Variants in ROR1 observed in about 807,000 individuals in gnomAD.
ROR1 encodes the protein inactive tyrosine-protein kinase transmembrane receptor ROR1.
Under a neutral mutation model 78.8 loss-of-function variants are expected in ROR1, and 19 were observed. That is an observed-to-expected ratio of 0.24 (90% CI 0.17 to 0.35). The LOEUF (loss-of-function observed/expected upper bound fraction) is 0.35. Among genes scored for constraint, ROR1 ranks in the 10% least tolerant of loss-of-function variants. ROR1 has a pLI of 1.00. For synonymous variants in ROR1, 386 were observed against 433.6 expected, an observed-to-expected ratio of 0.89 and a Z score of 1.36; for missense variants, 917 against 1,177.8, an observed-to-expected ratio of 0.78 and a Z score of 3.24.
chr1:64,118,551 G>C (rs970472496), intron 4 of ROR1, among the ~76,000 whole-genome samples: 2 of 149,648 alleles, frequency 1.3e-5, no homozygotes, highest in African/African-American at 4.9e-5. Context: ...TGCTTGAACC[G>C]GGACTCGGGA....
intron 1 of ROR1, among the ~76,000 whole-genome samples, chr1:63,788,471 T>C (rs922906565): frequency 2.6e-4 from 39 of 152,240 alleles, no homozygotes; most frequent in African/African-American, 7.5e-4. Context: ...TGACTGTCTG[T>C]TAAATTCAAT....
At chr1:64,130,616 A>G (rs1344635221) in intron 4 of ROR1, among the ~76,000 whole-genome samples, 1 of 152,156 alleles carries the variant, frequency 6.6e-6, no homozygotes, top group East Asian at 1.9e-4. Flanking sequence ...CCTCCTGGTT[A>G]GCAGTTAACT....
chr1:63,795,755 G>A (rs1644756249), intron 1 of ROR1, among the ~76,000 whole-genome samples: 1 of 152,120 alleles, frequency 6.6e-6, no homozygotes, highest in Non-Finnish European at 1.5e-5. Context: ...AAAATATCTT[G>A]CCGCTACTGG....
chr1:63,951,885 A>G (rs1002445022), intron 1 of ROR1, among the ~76,000 whole-genome samples: 6 of 152,172 alleles, frequency 3.9e-5, no homozygotes, highest in African/African-American at 1.4e-4. Context: ...AAATTGGTGT[A>G]GACGAGCTGT....
intron 4 of ROR1, among the ~76,000 whole-genome samples, chr1:64,104,209 A>G (rs1025582643): frequency 5.3e-5 from 8 of 152,140 alleles, no homozygotes; most frequent in Admixed American, 4.6e-4. Flanking sequence ...GGGTGAAGCA[A>G]CTTGTTCAAG....
intron 1 of ROR1, among the ~76,000 whole-genome samples, chr1:63,807,518 A>G (rs1644837159): frequency 6.6e-6 from 1 of 152,220 alleles, no homozygotes; most frequent in South Asian, 2.1e-4. Context: ...TCCTGCTGAC[A>G]TGAGCCAAGT....
intron 1 of ROR1, among the ~76,000 whole-genome samples, chr1:63,841,796 G>A (rs901618784): frequency 2.6e-5 from 4 of 152,106 alleles, no homozygotes; most frequent in African/African-American, 7.2e-5. Context: ...TGAATATGAT[G>A]GTTTCTGTAT....
rs150053430 is a variant in ROR1, at chr1:63,798,116, C to A, written c.91+23608C>A. On this transcript the variant is annotated intron_variant, in intron 1 of 8. Coordinates refer to ENST00000371079, the MANE Select transcript of ROR1 (RefSeq NM_005012.4). ...AAGATTTGAATGGAACAGACATTTT[C>A]TGAGACTCAGTCAGGCATTTTTCCA... is the stretch of plus-strand genomic sequence containing the variant. Among the ~76,000 whole-genome samples the A allele has an allele frequency of 3.6e-3, 555 of 152,240 alleles. 4 individuals carry two copies. Among genetic ancestry groups the A allele is most frequent in the African/African-American group, 0.011 (471 of 41,542 alleles).
intron 1 of ROR1, among the ~76,000 whole-genome samples, chr1:63,853,430 T>A (rs1645128669): frequency 1.3e-5 from 2 of 152,170 alleles, no homozygotes; most frequent in Non-Finnish European, 2.9e-5. Context: ...CTGAAACGTT[T>A]TGCATGCCAA....
chr1:63,964,229 C>A (rs1569984431), intron 1 of ROR1, among the ~76,000 whole-genome samples: 1 of 152,198 alleles, frequency 6.6e-6, no homozygotes, highest in East Asian at 1.9e-4. Context: ...TACCAGATCC[C>A]ACTTCCCTTA....
intron 4 of ROR1, among the ~76,000 whole-genome samples, chr1:64,120,036 T>C (rs1448536118): frequency 6.6e-6 from 1 of 152,176 alleles, no homozygotes; most frequent in Non-Finnish European, 1.5e-5. Context: ...GGAAATGGTG[T>C]GTTATTTTTG....
intron 1 of ROR1, among the ~76,000 whole-genome samples, chr1:63,930,414 C>A (rs564397008): frequency 5.3e-5 from 8 of 152,190 alleles, no homozygotes; most frequent in African/African-American, 1.9e-4. Context: ...CATCGTAAAT[C>A]TCTTTTCTTT....
intron 1 of ROR1, among the ~76,000 whole-genome samples, chr1:63,784,121 C>T (rs1644670156): frequency 6.6e-6 from 1 of 152,014 alleles, no homozygotes; most frequent in Non-Finnish European, 1.5e-5. Context: ...TAATTAAATC[C>T]TCCATTTGTA....
chr1:64,165,020 T>A lies in ROR1; in HGVS notation c.1386+5828T>A, dbSNP rs545728015. 2.6e-5 allele frequency among the ~76,000 whole-genome samples: 4 copies of A among 152,358 alleles called. No homozygotes were observed. In the South Asian group the frequency reaches 8.3e-4, roughly 32 times the overall value. On this transcript the variant is annotated intron_variant, in intron 8 of 8. Coordinates refer to ENST00000371079, the MANE Select transcript of ROR1 (RefSeq NM_005012.4). ...AGTCTATCACTGATGGGCCTTTAGG[T>A]TGATTCCATGTCTTTGCTGTTGTGA...
intron 4 of ROR1, among the ~76,000 whole-genome samples, chr1:64,055,579 G>C (rs968076907): frequency 6.6e-6 from 1 of 152,208 alleles, no homozygotes; most frequent in Non-Finnish European, 1.5e-5. Flanking sequence ...TACATTGTGC[G>C]AGCACTCATT....
intron 1 of ROR1, among the ~76,000 whole-genome samples, chr1:63,816,509 G>A (rs1644893036): frequency 6.6e-6 from 1 of 152,010 alleles, no homozygotes; most frequent in South Asian, 2.1e-4. Flanking sequence ...ATAATTGTGA[G>A]GCCTCCCCAG....
At chr1:64,138,654 T>C (rs548852967) in intron 5 of ROR1, among the ~76,000 whole-genome samples, 1 of 151,656 alleles carries the variant, frequency 6.6e-6, no homozygotes, top group South Asian at 2.1e-4. Context: ...CATGCCATTC[T>C]CCTGCATCAG....
rs68153450 is a variant in ROR1, at chr1:63,860,562, TACACACACACACACAC to T, written c.91+86082_91+86097del. ...GGTAAAACCCCATCTCTACTAAAAA[TACACACACACACACAC>T]ACACACACACACACACACACACACA... On this transcript the variant is annotated intron_variant, in intron 1 of 8. Coordinates refer to ENST00000371079, the MANE Select transcript of ROR1 (RefSeq NM_005012.4). 3.4e-4 allele frequency among the ~76,000 whole-genome samples: 43 copies of T among 126,548 alleles called. 1 individual carries two copies. The highest frequency in any genetic ancestry group is 1.2e-3 in the African/African-American group (40 of 32,618). The allele number at this position is 126,548 out of a possible 152,430, so 83.0% of individuals were successfully genotyped here. A position where few individuals can be genotyped will look rare whatever the true frequency, so the allele number is the denominator to read the frequency against.
chr1:64,058,699 A>G (rs1646893984), intron 4 of ROR1, among the ~76,000 whole-genome samples: 1 of 151,640 alleles, frequency 6.6e-6, no homozygotes, highest in Non-Finnish European at 1.5e-5. Flanking sequence ...TGGCCATGGT[A>G]TATAATTTCT....
Sources: allele counts gnomAD v4.1 joint callset (sites outside exome capture counted in the v4.1 genomes callset), GRCh38; gene constraint gnomAD v4.1.1; transcripts MANE v1.5; gene names NCBI Gene and HGNC (gene_info 2026-07-23, HGNC 2026-07-21).